The following EVC2 variants were observed in gnomAD, a reference collection of about 807,000 sequenced individuals.
EVC2 encodes the protein limbin.
Under a neutral mutation model 149.3 loss-of-function variants are expected in EVC2, and 148 were observed. That is an observed-to-expected ratio of 0.99 (90% CI 0.87 to 1.14). The LOEUF (loss-of-function observed/expected upper bound fraction) is 1.14, where lower values mean the gene tolerates loss of function less well. Ranked by LOEUF, EVC2 falls within the 50% of genes most tolerant of loss-of-function variation. The probability of loss-of-function intolerance (pLI) is 0.00; values close to 1 mark genes in which losing one functional copy is unlikely to be tolerated. For synonymous variants in EVC2, 776 were observed against 649.9 expected (o/e 1.19, Z -2.95); for missense variants, 1,854 against 1,627.3 (o/e 1.14, Z -2.40).
intron 7 of EVC2, among the ~76,000 whole-genome samples, 153 bp downstream of exon 7, chr4:5,681,107 G>A (rs568113324): frequency 6.6e-6 from 1 of 152,268 alleles, no homozygotes; most frequent in African/African-American, 2.4e-5. Context: ...AGGGCACACG[G>A]GGGACCCGAG....
intron 9 of EVC2, among the ~76,000 whole-genome samples, chr4:5,643,927 A>G (rs1296693470): frequency 6.6e-6 from 1 of 152,242 alleles, no homozygotes; most frequent in Non-Finnish European, 1.5e-5. Context: ...CCCAATAATT[A>G]GAAATGTCTA....
chr4:5,549,997 G>T (rs2369857), intron 21 of EVC2, among the ~76,000 whole-genome samples: 1 of 152,212 alleles, frequency 6.6e-6, no homozygotes, highest in Non-Finnish European at 1.5e-5. Context: ...TGACTTGCTC[G>T]TCCTTGCTTT....
intron 13 of EVC2, among the ~76,000 whole-genome samples, chr4:5,623,925 A>G (rs1405290121): frequency 6.6e-6 from 1 of 152,240 alleles, no homozygotes; most frequent in Admixed American, 6.5e-5. Context: ...AGTGCCTGAC[A>G]TAGAGTAGTT....
At position 5,708,384 on chromosome 4, in the gene EVC2, C is replaced by A; in HGVS notation, c.130G>T (p.Ala44Ser). Reference sequence around the variant, plus strand: ...ACCTGGGGATCCCGGGGTGGCTGCGCGCCGAGGGGGCGCCAGCGGGGACGT... The same window carrying A: ...ACCTGGGGATCCCGGGGTGGCTGCGAGCCGAGGGGGCGCCAGCGGGGACGT... ...SSRPRWRPLG[A>S]QPPRDPQVAP... is the part of the protein sequence containing the mutation. The change falls in exon 1 of 22, where the codon GCG (alanine) becomes TCG (serine). Residue 44 changes from alanine (A) to serine (S), a missense_variant. Ala to Ser is a moderately conservative substitution (Grantham distance 99). Transcript: ENST00000344408. 6.7e-7 allele frequency: 1 copy of A among 1,494,410 alleles called. No individual in the cohort carries two copies. Among genetic ancestry groups the A allele is most frequent in the South Asian group, 1.3e-5 (1 of 79,134 alleles). 92.6% of individuals were successfully genotyped at this position (1,494,410 alleles called of 1,614,324 possible).
chr4:5,706,945 C>G (rs1036791799), intron 1 of EVC2, among the ~76,000 whole-genome samples: 1 of 152,178 alleles, frequency 6.6e-6, no homozygotes, highest in Non-Finnish European at 1.5e-5. Flanking sequence ...CCAGTAGGCA[C>G]CGTCCCTCCC....
Position 5,625,347 on chromosome 4 carries a change from CAA to C in EVC2, c.2046+400_2046+401del, listed in dbSNP as rs1491428438. 2.6e-3 allele frequency among the ~76,000 whole-genome samples: 379 copies of C among 146,006 alleles called. 2 individuals carry two copies. In the Middle Eastern group the frequency reaches 0.027, roughly 10 times the overall value. ...ACACACACACACACACACACACACA[CAA>C]ACCCAGTGGTATCTCCCTCATAGGG... On this transcript the variant is annotated intron_variant, in intron 13 of 21. Transcript: ENST00000344408. This position sits in a 1 kb window ranked among gnomAD's most constrained non-coding sequence, Gnocchi z 4.0.
At chr4:5,579,846 CAAA>C (rs1577112472) in intron 17 of EVC2, among the ~76,000 whole-genome samples, 2 of 152,154 alleles carry the variant, frequency 1.3e-5, no homozygotes. Flanking sequence ...AAACAATAAA[CAAA>C]GAAGAAGAAG....
rs754798862 is a variant in EVC2, at chr4:5,689,298, C to G, written c.565G>C (p.Val189Leu). ...EAQTARIWLLVNNTKTTSSAN... is the reference protein window; with the variant it reads ...EAQTARIWLLLNNTKTTSSAN... The stretch of plus-strand genomic sequence containing the variant: ...GACGAGGTTGTCTTGGTGTTGTTAA[C>G]AAGCAGCCATATGCGGGCTGTCTGT... The change falls in exon 5 of 22, where the codon GTT becomes CTT. Residue 189 changes from valine (V) to leucine (L), a missense_variant. Physicochemically the swap from Val to Leu is conservative, Grantham distance 32. Coordinates refer to ENST00000344408, the MANE Select transcript of EVC2 (RefSeq NM_147127.5). 84 of 1,614,074 alleles carry G rather than the reference C, an allele frequency of 5.2e-5. No individual in the cohort carries two copies. Among genetic ancestry groups the G allele is most frequent in the Non-Finnish European group, 7.6e-6 (9 of 1,180,044 alleles).
At chr4:5,688,756 G>A (rs890314754) in intron 5 of EVC2, among the ~76,000 whole-genome samples, 9 of 152,136 alleles carry the variant, frequency 5.9e-5, no homozygotes, top group South Asian at 2.1e-4. Context: ...CACTCTGTCC[G>A]GCACAACCCA....
At chr4:5,537,860 G>T (rs1577084315), downstream of EVC2, among the ~76,000 whole-genome samples, 2 of 152,146 alleles carry the variant, frequency 1.3e-5, no homozygotes, top group Admixed American at 1.3e-4. Context: ...TATGACTTCA[G>T]ATCCCCCTTC....
chr4:5,698,907 T>G (rs1721653279), intron 1 of EVC2, among the ~76,000 whole-genome samples: 1 of 152,338 alleles, frequency 6.6e-6, no homozygotes, highest in Non-Finnish European at 1.5e-5. Context: ...TCCATGTGGC[T>G]ACTGTTCACA....
chr4:5,584,692 C>T lies in EVC2; in HGVS notation c.2988G>A (p.Leu996=). The change falls in exon 17 of 22, where the codon CTG becomes CTA. Residue 996 remains leucine, a synonymous_variant. Coordinates refer to ENST00000344408, the MANE Select transcript of EVC2 (RefSeq NM_147127.5). ...GCATCTCAGATGCACTCAGCTCTTCCAGGAGCAAGTCCTGGATGCTGAGGA... is the reference window on the plus strand; with the variant it reads ...GCATCTCAGATGCACTCAGCTCTTCTAGGAGCAAGTCCTGGATGCTGAGGA... ...TALLSIQDLL[L]EELSASEMLT... 1 of 1,614,116 alleles carries T rather than the reference C, an allele frequency of 6.2e-7. No homozygotes were observed. The highest frequency in any genetic ancestry group is 8.5e-7 in the Non-Finnish European group (1 of 1,180,010).
At chr4:5,560,458 A>G (rs1467003084), downstream of EVC2, among the ~76,000 whole-genome samples, 5 of 152,106 alleles carry the variant, frequency 3.3e-5, no homozygotes, top group Non-Finnish European at 7.3e-5. The surrounding 1 kb of genome is among the most constrained non-coding windows in gnomAD (Gnocchi z 4.1). Context: ...TGGGAAGGAG[A>G]AGGACTGCCA....
downstream of EVC2, among the ~76,000 whole-genome samples, chr4:5,561,262 C>CTT (rs1424070793): frequency 6.6e-6 from 1 of 152,162 alleles, no homozygotes; most frequent in East Asian, 1.9e-4. Context: ...TGCCCAAGAA[C>CTT]TTATGGCCCT....
At chr4:5,684,004 C>T (rs1236129515) in intron 6 of EVC2, among the ~76,000 whole-genome samples, 2 of 152,154 alleles carry the variant, frequency 1.3e-5, no homozygotes, top group Non-Finnish European at 2.9e-5. Context: ...ATGGAAGCTT[C>T]CATTTCATTT....
chr4:5,685,570 G>C, intron 5 of EVC2, 91 bp from the exon 6 acceptor site: 1 of 1,076,912 alleles, frequency 9.3e-7, no homozygotes, highest in Non-Finnish European at 1.4e-6. Context: ...CTGGCCCCTG[G>C]CTTCAGTGGT....
chr4:5,683,874 GC>G, intron 6 of EVC2, among the ~76,000 whole-genome samples: 1 of 141,488 alleles, frequency 7.1e-6, no homozygotes, highest in African/African-American at 2.5e-5. Flanking sequence ...ACGCACAGCT[GC>G]CCGGGAACAC....
chr4:5,542,278 C>G (rs959527849), downstream of EVC2, among the ~76,000 whole-genome samples: 1 of 152,070 alleles, frequency 6.6e-6, no homozygotes, highest in Non-Finnish European at 1.5e-5. Context: ...GTGGTGAAAC[C>G]CCACCTCTAG....
rs777724107 is a variant in EVC2, at chr4:5,576,350, C to T, written c.3162G>A (p.Gly1054=). Residue 1054 remains glycine (G), a synonymous_variant, in exon 18 of 22, where the codon GGG becomes GGA. Transcript: ENST00000344408. The surrounding 1 kb of genome is among the most constrained non-coding windows in gnomAD (Gnocchi z 4.5). ...LASWQQWVAD[G]PGILNEPGEV... is the part of the protein sequence containing the mutation. ...CCCCAGGTTCGTTCAGAATCCCGGGCCCATCGGCCACCCACTGCTGCCAGC... is the reference window on the plus strand; with the variant it reads ...CCCCAGGTTCGTTCAGAATCCCGGGTCCATCGGCCACCCACTGCTGCCAGC... 3 of 1,614,202 alleles carry T rather than the reference C, an allele frequency of 1.9e-6. No homozygotes were observed. The highest frequency in any genetic ancestry group is 4.5e-5 in the East Asian group (2 of 44,880).
Sources: allele counts gnomAD v4.1 joint callset (sites outside exome capture counted in the v4.1 genomes callset), GRCh38; gene constraint gnomAD v4.1.1; non-coding constraint Gnocchi (gnomAD v3.1); transcripts MANE v1.5; gene names NCBI Gene and HGNC (gene_info 2026-07-23, HGNC 2026-07-21).